Variants in ATR observed in about 807,000 individuals in gnomAD.
The protein encoded by ATR is serine/threonine-protein kinase ATR.
A neutral mutation model predicts 305.3 loss-of-function variants in ATR; 142 were observed. That is an observed-to-expected ratio of 0.47 (90% CI 0.41 to 0.53). The LOEUF (loss-of-function observed/expected upper bound fraction) is 0.53, where lower values mean the gene tolerates loss of function less well. Ranked by LOEUF, ATR falls within the 20% of genes least tolerant of loss-of-function variation. The pLI is 0.00. For synonymous variants in ATR, 1,050 were observed against 1,068.1 expected (o/e 0.98, Z 0.33); for missense variants, 2,135 against 3,133.1 (o/e 0.68, Z 7.60).
At chr3:142,505,502 T>C (rs988835252) in intron 28 of ATR, among the ~76,000 whole-genome samples, 199 bp from the exon 29 acceptor site, 1 of 152,156 alleles carries the variant, frequency 6.6e-6, no homozygotes, top group African/African-American at 2.4e-5. Context: ...TCAACATTCT[T>C]ACTCCTTTTA....
Position 142,486,959 on chromosome 3 carries a change from C to CAAAA in ATR, c.6079-1681_6079-1678dup, listed in dbSNP as rs60024459. ...TGAAACCTGGTCTCTACTAAAAATA[C>CAAAA]AAAAAAAAAAAAAAAAAAAAAACAA... On this transcript the variant is annotated intron_variant, in intron 35 of 46. Coordinates refer to ENST00000350721, the MANE Select transcript of ATR (RefSeq NM_001184.4). Among the ~76,000 whole-genome samples, 47 of 69,680 alleles carry CAAAA rather than the reference C, an allele frequency of 6.7e-4. 1 individual carries two copies. The highest frequency in any genetic ancestry group is 1.4e-3 in the East Asian group (3 of 2,212). 45.7% of individuals were successfully genotyped at this position (69,680 alleles called of 152,430 possible). A position where few individuals can be genotyped will look rare whatever the true frequency, so the allele number is the denominator to read the frequency against.
At chr3:142,490,417 T>G (rs972617845) in intron 35 of ATR, among the ~76,000 whole-genome samples, 11 of 152,206 alleles carry the variant, frequency 7.2e-5, no homozygotes, top group African/African-American at 2.7e-4. Flanking sequence ...CTACAAATCC[T>G]CTGTCATATA....
rs1368449142 is a variant in ATR, at chr3:142,512,183, T to C, written c.4852+77A>G. 11 of 1,250,434 alleles carry C rather than the reference T, an allele frequency of 8.8e-6. No homozygotes were observed. In the East Asian group the frequency reaches 1.4e-4, roughly 16 times the overall value. 77.5% of individuals were successfully genotyped at this position (1,250,434 alleles called of 1,614,324 possible). A position where few individuals can be genotyped will look rare whatever the true frequency, so the allele number is the denominator to read the frequency against. On this transcript the variant is annotated intron_variant, in intron 27 of 46. Transcript: ENST00000350721. The stretch of plus-strand genomic sequence containing the variant: ...ATTTTTTAAGCTAGTGCTTAAATTA[T>C]AGAACTGATAAAGGGAAGAGCTAAT...
chr3:142,477,914 T>C (rs1169041878), intron 36 of ATR, among the ~76,000 whole-genome samples: 1 of 152,256 alleles, frequency 6.6e-6, no homozygotes, highest in Non-Finnish European at 1.5e-5. Flanking sequence ...TGGTAGTTTG[T>C]ATTTCTGTGG....
intron 46 of ATR, chr3:142,450,359 T>G (rs1300036349): frequency 7.8e-7 from 1 of 1,280,058 alleles, no homozygotes; most frequent in African/African-American, 1.6e-5. Context: ...TTCAAGACAG[T>G]GTTTAAGTTA....
chr3:142,570,107 C>G (rs1478256980), intron 1 of ATR, among the ~76,000 whole-genome samples: 1 of 152,078 alleles, frequency 6.6e-6, no homozygotes. Context: ...AGTTCTTTTT[C>G]TGTTTTTCAT....
Position 142,558,872 on chromosome 3 carries a change from T to A in ATR, c.1733-96A>T, listed in dbSNP as rs1026485618. ...GACATTTGAAATACTATCATAATGA[T>A]CATTGGATAAGCAGAAATTCTTAAC... On this transcript the variant is annotated intron_variant, in intron 7 of 46. Transcript: ENST00000350721. 3.2e-6 allele frequency: 4 copies of A among 1,260,452 alleles called. No individual in the cohort carries two copies. The African/African-American group carries it at 6.1e-5, about 19-fold the overall frequency. 78.1% of individuals were successfully genotyped at this position (1,260,452 alleles called of 1,614,324 possible).
intron 28 of ATR, among the ~76,000 whole-genome samples, chr3:142,507,316 G>C (rs1172516251): frequency 6.6e-6 from 1 of 152,068 alleles, no homozygotes; most frequent in Non-Finnish European, 1.5e-5. Flanking sequence ...TTTCATGCTT[G>C]ATACCTGACA....
chr3:142,549,118 T>C (rs542815022), intron 15 of ATR, among the ~76,000 whole-genome samples: 4 of 152,146 alleles, frequency 2.6e-5, no homozygotes, highest in Non-Finnish European at 5.9e-5. Context: ...GTAACTAAAA[T>C]ATAGACATTA....
chr3:142,571,877 C>T (rs1352350101), intron 1 of ATR, among the ~76,000 whole-genome samples: 1 of 152,150 alleles, frequency 6.6e-6, no homozygotes, highest in Admixed American at 6.5e-5. Context: ...AGCAATTCTC[C>T]TGCCTCAGCC....
chr3:142,546,051 C>A (rs1170067285), intron 16 of ATR, among the ~76,000 whole-genome samples: 1 of 152,158 alleles, frequency 6.6e-6, no homozygotes, highest in African/African-American at 2.4e-5. Flanking sequence ...CTGCTCCGTA[C>A]CTGGGACACT....
chr3:142,505,609 T>A (rs2032196781), intron 28 of ATR, among the ~76,000 whole-genome samples: 1 of 152,210 alleles, frequency 6.6e-6, no homozygotes, highest in Admixed American at 6.5e-5. Context: ...ACATATTCTG[T>A]TGAGTATAGC....
chr3:142,512,185 G>T (rs1185466593), intron 27 of ATR, 75 bp downstream of exon 27: 1 of 1,237,318 alleles, frequency 8.1e-7, no homozygotes, highest in East Asian at 2.4e-5. Flanking sequence ...TTAAATTATA[G>T]AACTGATAAA....
chr3:142,566,391 G>C (rs1412624216), intron 2 of ATR, 130 bp from the exon 3 acceptor site: 22 of 996,808 alleles, frequency 2.2e-5, no homozygotes, highest in Non-Finnish European at 3.2e-5. Context: ...GGCTGAAGTG[G>C]GCGGATCACC....
chr3:142,534,925 A>G (rs1447502130), intron 21 of ATR, among the ~76,000 whole-genome samples, 155 bp downstream of exon 21: 1 of 152,200 alleles, frequency 6.6e-6, no homozygotes, highest in African/African-American at 2.4e-5. Flanking sequence ...AGGGCATCTC[A>G]TGGATTCCTA....
intron 14 of ATR, 76 bp downstream of exon 14, chr3:142,550,056 T>C (rs1266742229): frequency 6.4e-7 from 1 of 1,560,400 alleles, no homozygotes; most frequent in Non-Finnish European, 8.8e-7. Context: ...TAATCTCATA[T>C]CAAAGTCAAA....
At chr3:142,552,606 G>T (rs1055672344) in intron 13 of ATR, among the ~76,000 whole-genome samples, 1 of 142,850 alleles carries the variant, frequency 7.0e-6, no homozygotes, top group Admixed American at 7.3e-5. Context: ...GGAGGTGAAG[G>T]TTGCAGTGAA....
At chr3:142,460,045 A>T (rs1053032172) in intron 42 of ATR, among the ~76,000 whole-genome samples, 1 of 152,082 alleles carries the variant, frequency 6.6e-6, no homozygotes, top group African/African-American at 2.4e-5. Flanking sequence ...CATATACAAT[A>T]TGTCATGCTC....
At chr3:142,496,868 T>C in intron 33 of ATR, 145 bp downstream of exon 33, 1 of 957,670 alleles carries the variant, frequency 1.0e-6, no homozygotes, top group Non-Finnish European at 1.5e-6. Flanking sequence ...CTAGGTTCCT[T>C]TCAACCAGAT....
Sources: gnomAD v4.1 joint callset for allele counts (sites outside exome capture counted in the v4.1 genomes callset) on GRCh38, gnomAD v4.1.1 for gene constraint, MANE v1.5 for transcripts, NCBI Gene and HGNC (gene_info 2026-07-23, HGNC 2026-07-21) for gene names.